The following COL8A1 variants were observed in gnomAD, a reference collection of about 807,000 sequenced individuals.
COL8A1 encodes collagen alpha-1(VIII) chain.
Under a neutral mutation model 42.7 loss-of-function variants are expected in COL8A1, and 21 were observed. The ratio of observed to expected loss-of-function variants is 0.49; its 90% confidence interval spans 0.35 to 0.71. COL8A1 has a LOEUF of 0.71. COL8A1 is among the 30% of genes least tolerant of loss of function. The probability of loss-of-function intolerance (pLI) is 0.01; values close to 1 mark genes in which losing one functional copy is unlikely to be tolerated. For missense variants in COL8A1, 788 were observed against 962.4 expected, an observed-to-expected ratio of 0.82 and a Z score of 2.40; for synonymous variants, 367 against 369.1, an observed-to-expected ratio of 0.99 and a Z score of 0.06.
intron 1 of COL8A1, among the ~76,000 whole-genome samples, chr3:99,725,130 G>A (rs896194651): frequency 6.6e-6 from 1 of 152,100 alleles, no homozygotes; most frequent in Middle Eastern, 3.4e-3. Context: ...ATTCTGGGGG[G>A]AGTGCTCTCT....
chr3:99,795,258 G>C lies in COL8A1; in HGVS notation c.1357G>C (p.Gly453Arg). ...TGAAGTAGGGCCTCCTGGCATGAGG[G>C]GTTTGCCAGGTCCCATAGGGCCCAA... ...LGEVGPPGMR[G>R]LPGPIGPKGE... The change falls in exon 4 of 4, where the codon GGT (glycine) becomes CGT (arginine). Residue 453 changes from glycine (G) to arginine (R), a missense_variant. Around this residue, in one of 4 missense-constraint regions of COL8A1, gnomAD observed 154 missense variants for 182.3 expected, o/e 0.84. Coordinates refer to ENST00000652472, the MANE Select transcript of COL8A1 (RefSeq NM_020351.4). The C allele has an allele frequency of 1.2e-6, 2 of 1,613,194 alleles. No homozygotes were observed. Among genetic ancestry groups the C allele is most frequent in the Non-Finnish European group, 1.7e-6 (2 of 1,179,552 alleles).
intron 1 of COL8A1, among the ~76,000 whole-genome samples, chr3:99,671,904 A>G (rs1024447698): frequency 1.3e-5 from 2 of 152,082 alleles, no homozygotes; most frequent in Non-Finnish European, 2.9e-5. Flanking sequence ...TAGCCAAGAT[A>G]TAGACATCAA....
chr3:99,658,881 T>C (rs1021183822), intron 1 of COL8A1, among the ~76,000 whole-genome samples: 1 of 152,228 alleles, frequency 6.6e-6, no homozygotes, highest in Non-Finnish European at 1.5e-5. Context: ...ATTCTCATTG[T>C]GGGCAAAGTT....
chr3:99,734,716 A>G (rs1249472906), intron 1 of COL8A1, among the ~76,000 whole-genome samples: 5 of 151,954 alleles, frequency 3.3e-5, no homozygotes, highest in African/African-American at 1.2e-4. Flanking sequence ...TGGGGATGGC[A>G]TTGAATCTGT....
rs1408113587 is a variant in COL8A1, at chr3:99,796,322, C to A, written c.*186C>A. 2.0e-6 allele frequency: 1 copy of A among 488,746 alleles called. No homozygotes were observed. Among genetic ancestry groups the A allele is most frequent in the Non-Finnish European group, 3.6e-6 (1 of 280,912 alleles). The allele number at this position is 488,746 out of a possible 1,614,324, so 30.3% of individuals were successfully genotyped here. Reference sequence around the variant, plus strand: ...GATGCATGTTTAATACTCCACACAGCAGCCTGTAATTGCGAATGATGGGAT... The same window carrying A: ...GATGCATGTTTAATACTCCACACAGAAGCCTGTAATTGCGAATGATGGGAT... On this transcript the variant is annotated 3_prime_UTR_variant, in exon 4 of 4. Transcript: ENST00000652472.
intron 2 of COL8A1, among the ~76,000 whole-genome samples, chr3:99,784,865 G>A (rs1030367369): frequency 6.6e-6 from 1 of 152,158 alleles, no homozygotes; most frequent in Non-Finnish European, 1.5e-5. Context: ...GAGGGTCATA[G>A]ATCAATATAG....
intron 1 of COL8A1, among the ~76,000 whole-genome samples, chr3:99,677,064 AAGAGAGAG>A (rs140136211): frequency 2.0e-5 from 3 of 149,374 alleles, no homozygotes; most frequent in Admixed American, 6.7e-5. Context: ...CAAAAAGAAA[AAGAGAGAG>A]AGAGAGAGAG....
chr3:99,752,088 T>A (rs1941162130), intron 2 of COL8A1, among the ~76,000 whole-genome samples: 1 of 152,160 alleles, frequency 6.6e-6, no homozygotes, highest in Non-Finnish European at 1.5e-5. Flanking sequence ...CCTCATCCCC[T>A]GCAAATAGAT....
intron 2 of COL8A1, among the ~76,000 whole-genome samples, chr3:99,779,773 T>G (rs1383594311): frequency 6.6e-6 from 1 of 152,186 alleles, no homozygotes; most frequent in Admixed American, 6.5e-5. Context: ...AATTGCATAC[T>G]CAGACTGGGG....
chr3:99,753,379 G>C (rs1941190712), intron 2 of COL8A1, among the ~76,000 whole-genome samples: 1 of 152,188 alleles, frequency 6.6e-6, no homozygotes, highest in Admixed American at 6.5e-5. Context: ...CCATCACAAG[G>C]ACTAGGTGCC....
intron 1 of COL8A1, among the ~76,000 whole-genome samples, chr3:99,690,729 A>T (rs553403180): frequency 6.6e-6 from 1 of 152,332 alleles, no homozygotes; most frequent in East Asian, 1.9e-4. Flanking sequence ...GGCCCTAGTC[A>T]TCTAAAAACA....
intron 2 of COL8A1, among the ~76,000 whole-genome samples, chr3:99,784,994 T>C (rs963593834): frequency 1.3e-5 from 2 of 152,136 alleles, no homozygotes; most frequent in Non-Finnish European, 2.9e-5. Context: ...TAAAAGGTCA[T>C]GTGCCCATCT....
At chr3:99,776,261 AG>A (rs1352978111) in intron 2 of COL8A1, among the ~76,000 whole-genome samples, 1 of 152,186 alleles carries the variant, frequency 6.6e-6, no homozygotes, top group African/African-American at 2.4e-5. Context: ...GGGAAACCAC[AG>A]GTAAAAGAGA....
chr3:99,773,823 A>ATATATATATATAT (rs1297211645), intron 2 of COL8A1, among the ~76,000 whole-genome samples: 3 of 62,980 alleles, frequency 4.8e-5, no homozygotes, highest in African/African-American at 2.1e-4. Flanking sequence ...GTGTATATAT[A>ATATATATATATAT]TATATATATA....
rs2055980 is a variant in COL8A1 at position 99,741,178 on chromosome 3, T to C, written c.-128-3719T>C. On this transcript the variant is annotated intron_variant, in intron 1 of 3. Coordinates refer to ENST00000652472, the MANE Select transcript of COL8A1 (RefSeq NM_020351.4). Reference sequence around the variant, plus strand: ...ATAGATTAATTTGCATTTCCTTTCATTACTAATGAGATTGAAGGCTTTCTA... The same window carrying C: ...ATAGATTAATTTGCATTTCCTTTCACTACTAATGAGATTGAAGGCTTTCTA... Among the ~76,000 whole-genome samples the C allele has an allele frequency of 8.7e-4, 132 of 152,346 alleles. 2 individuals carry two copies. In the East Asian group the frequency reaches 0.019, roughly 22 times the overall value.
chr3:99,740,816 G>A (rs1377272709), intron 1 of COL8A1, among the ~76,000 whole-genome samples: 1 of 151,688 alleles, frequency 6.6e-6, no homozygotes, highest in African/African-American at 2.4e-5. Context: ...AATTAACAAA[G>A]GAAAAATACT....
At chr3:99,713,795 A>G (rs1409470343) in intron 1 of COL8A1, among the ~76,000 whole-genome samples, 5 of 149,706 alleles carry the variant, frequency 3.3e-5, no homozygotes, top group African/African-American at 4.9e-5. Context: ...GAAAAAAAAA[A>G]TACAATTAAA....
chr3:99,665,474 CT>C (rs1031440782), intron 1 of COL8A1, among the ~76,000 whole-genome samples: 1 of 152,108 alleles, frequency 6.6e-6, no homozygotes, highest in African/African-American at 2.4e-5. Context: ...ATTGGTGAAT[CT>C]TTTTAGACTT....
At chr3:99,641,327 G>T (rs1425306599) in intron 1 of COL8A1, among the ~76,000 whole-genome samples, 1 of 152,060 alleles carries the variant, frequency 6.6e-6, no homozygotes, top group Non-Finnish European at 1.5e-5. Context: ...CTTTTTATTT[G>T]TTTGTTGTTT....
Sources: gnomAD v4.1 joint callset for allele counts (sites outside exome capture counted in the v4.1 genomes callset) on GRCh38, gnomAD v4.1.1 for gene constraint, gnomAD v4.1.1 regional missense constraint, MANE v1.5 for transcripts, NCBI Gene and HGNC (gene_info 2026-07-23, HGNC 2026-07-21) for gene names.